Variants in NFIB observed in about 807,000 individuals in gnomAD.
The protein encoded by NFIB is nuclear factor I B.
In NFIB, 11 loss-of-function variants were observed where a neutral mutation model predicts 61.5. That is an observed-to-expected ratio of 0.18 (90% CI 0.11 to 0.30). The LOEUF (loss-of-function observed/expected upper bound fraction) is 0.30. Ranked by LOEUF, NFIB falls within the 10% of genes least tolerant of loss-of-function variation. The pLI is 1.00. For missense variants in NFIB, 471 were observed against 608.9 expected, an observed-to-expected ratio of 0.77 and a Z score of 2.38; for synonymous variants, 260 against 216.5, an observed-to-expected ratio of 1.20 and a Z score of -1.76.
At chr9:14,368,173 G>C (rs2132962951) in intron 1 of NFIB, among the ~76,000 whole-genome samples, 1 of 150,456 alleles carries the variant, frequency 6.6e-6, no homozygotes, top group Non-Finnish European at 1.5e-5. Flanking sequence ...AAAAAAGAGA[G>C]ACAGAGGGAA....
the NFIB span, among the ~76,000 whole-genome samples, chr9:14,481,161 CAA>C: frequency 6.1e-5 from 7 of 114,374 alleles, no homozygotes; most frequent in Non-Finnish European, 1.3e-4. Flanking sequence ...ATTTGATGGA[CAA>C]AGAGTCAAAA....
intron 1 of NFIB, among the ~76,000 whole-genome samples, chr9:14,379,902 C>A (rs577486646): frequency 1.3e-4 from 20 of 152,020 alleles, no homozygotes; most frequent in African/African-American, 4.1e-4. Flanking sequence ...AGGCTGGTCT[C>A]GAACTCCTGA....
intron 1 of NFIB, among the ~76,000 whole-genome samples, chr9:14,377,392 T>C (rs773317562): frequency 6.6e-6 from 1 of 152,188 alleles, no homozygotes; most frequent in Non-Finnish European, 1.5e-5. Context: ...TTTTTTCTTT[T>C]ATTTTTCCTA....
chr9:14,207,926 A>C (rs1587617326), intron 2 of NFIB, among the ~76,000 whole-genome samples: 1 of 152,160 alleles, frequency 6.6e-6, no homozygotes, highest in East Asian at 1.9e-4. Flanking sequence ...AAAGAGCCCA[A>C]GGTCAAACAT....
chr9:14,463,182 T>C, the NFIB span, among the ~76,000 whole-genome samples: 2 of 151,482 alleles, frequency 1.3e-5, no homozygotes, highest in African/African-American at 4.8e-5. Flanking sequence ...TTTATTATTT[T>C]ATTTAATTGA....
At chr9:14,476,006 CAAATCCAAACTCAG>C in the NFIB span, among the ~76,000 whole-genome samples, 1 of 152,126 alleles carries the variant, frequency 6.6e-6, no homozygotes, top group Non-Finnish European at 1.5e-5. Flanking sequence ...TTGGACTTAA[CAAATCCAAACTCAG>C]AAAATACATT....
intron 6 of NFIB, among the ~76,000 whole-genome samples, chr9:14,128,352 A>G (rs922492959): frequency 1.3e-5 from 2 of 152,236 alleles, no homozygotes; most frequent in Non-Finnish European, 2.9e-5. Context: ...TGGGTAAATC[A>G]GTTTCTAAAA....
At chr9:14,271,177 C>A (rs1290535728) in intron 2 of NFIB, among the ~76,000 whole-genome samples, 2 of 148,022 alleles carry the variant, frequency 1.4e-5, no homozygotes, top group African/African-American at 5.0e-5. Flanking sequence ...CCCCCTCTCC[C>A]CCTAACCTCT....
chr9:14,197,789 T>TA (rs78007311), intron 2 of NFIB, among the ~76,000 whole-genome samples: 3 of 144,818 alleles, frequency 2.1e-5, no homozygotes, highest in East Asian at 2.0e-4. Context: ...GGAAATAACT[T>TA]GGGGAAAAAA....
At chr9:14,371,188 T>C (rs1479510654) in intron 1 of NFIB, among the ~76,000 whole-genome samples, 1 of 152,182 alleles carries the variant, frequency 6.6e-6, no homozygotes, top group Non-Finnish European at 1.5e-5. Flanking sequence ...AGGACCAACC[T>C]TTTCTTATAG....
intron 9 of NFIB, among the ~76,000 whole-genome samples, chr9:14,115,512 CGT>C (rs2037991806): frequency 6.6e-6 from 1 of 151,990 alleles, no homozygotes; most frequent in African/African-American, 2.4e-5. Flanking sequence ...CTTATTGGTA[CGT>C]GTTAGGAAGG....
intron 1 of NFIB, among the ~76,000 whole-genome samples, chr9:14,369,349 A>G (rs2061333565): frequency 6.6e-6 from 1 of 152,182 alleles, no homozygotes; most frequent in African/African-American, 2.4e-5. Context: ...TCTAATTATC[A>G]TCGGGTTAGG....
intron 1 of NFIB, among the ~76,000 whole-genome samples, chr9:14,370,157 C>T (rs538546891): frequency 6.4e-4 from 98 of 152,334 alleles, no homozygotes; most frequent in African/African-American, 2.3e-3. Context: ...TCCTTACTGG[C>T]TCATTCCTGA....
intron 3 of NFIB, among the ~76,000 whole-genome samples, chr9:14,176,536 C>T (rs1004760093): frequency 2.0e-5 from 3 of 151,994 alleles, no homozygotes; most frequent in African/African-American, 7.2e-5. Context: ...CTTAAAAGCT[C>T]TATAAAATAA....
chr9:14,111,650 G>A (rs929587730), intron 10 of NFIB, among the ~76,000 whole-genome samples: 12 of 151,816 alleles, frequency 7.9e-5, no homozygotes, highest in African/African-American at 1.5e-4. Context: ...AACTCATTTC[G>A]TGTTATAACA....
chr9:14,210,884 G>C (rs536066447), intron 2 of NFIB, among the ~76,000 whole-genome samples: 2 of 151,962 alleles, frequency 1.3e-5, no homozygotes, highest in Non-Finnish European at 2.9e-5. Flanking sequence ...CAAAATAGCC[G>C]CATCTCTTGT....
intron 1 of NFIB, among the ~76,000 whole-genome samples, chr9:14,333,835 A>G (rs2060850615): frequency 6.6e-6 from 1 of 152,228 alleles, no homozygotes; most frequent in African/African-American, 2.4e-5. Context: ...ATTATTGGCA[A>G]TGCAGAAACC....
At chr9:14,175,167 C>CTTTTTTTTTTTTTTT (rs55765054) in intron 3 of NFIB, among the ~76,000 whole-genome samples, 4 of 126,050 alleles carry the variant, frequency 3.2e-5, no homozygotes, top group African/African-American at 9.8e-5. Flanking sequence ...TAAAGAATTT[C>CTTTTTTTTTTTTTTT]TTTTTTTTTT....
chr9:14,224,109 T>C (rs572944763), intron 2 of NFIB, among the ~76,000 whole-genome samples: 10 of 152,350 alleles, frequency 6.6e-5, no homozygotes, highest in Admixed American at 4.6e-4. Context: ...CCCACACTTA[T>C]TATGTTTGCC....
Sources: allele counts gnomAD v4.1 joint callset (sites outside exome capture counted in the v4.1 genomes callset), GRCh38; gene constraint gnomAD v4.1.1; transcripts MANE v1.5; gene names NCBI Gene and HGNC (gene_info 2026-07-23, HGNC 2026-07-21).